Variants in L3MBTL4 observed in about 807,000 individuals in gnomAD.
The protein encoded by L3MBTL4 is lethal(3)malignant brain tumor-like protein 4.
In L3MBTL4, 70 loss-of-function variants were observed where a neutral mutation model predicts 84.5. That is an observed-to-expected ratio of 0.83 (90% CI 0.68 to 1.01). The LOEUF is 1.01. Ranked by LOEUF, L3MBTL4 falls within the 50% of genes least tolerant of loss-of-function variation. The pLI is 0.00. For missense variants in L3MBTL4, 715 were observed against 754.8 expected (o/e 0.95, Z 0.62); for synonymous variants, 274 against 259.8 (o/e 1.05, Z -0.52).
chr18:6,137,133 G>T (rs2060050484), intron 14 of L3MBTL4, among the ~76,000 whole-genome samples: 1 of 152,162 alleles, frequency 6.6e-6, no homozygotes, highest in African/African-American at 2.4e-5. Flanking sequence ...AGTTACTGCA[G>T]ACTCCTTACA....
chr18:6,405,510 A>G (rs1001489411), intron 1 of L3MBTL4, among the ~76,000 whole-genome samples: 22 of 152,150 alleles, frequency 1.4e-4, no homozygotes, highest in Admixed American at 2.6e-4. Context: ...TGGAAAGCAC[A>G]CTCACTCCCT....
chr18:6,062,809 T>C (rs2057272796), intron 16 of L3MBTL4, among the ~76,000 whole-genome samples: 1 of 150,230 alleles, frequency 6.7e-6, no homozygotes, highest in African/African-American at 2.5e-5. Flanking sequence ...TTATTTTGTT[T>C]TTGAATACTA....
At chr18:6,071,631 C>G (rs1162385586) in intron 16 of L3MBTL4, among the ~76,000 whole-genome samples, 1 of 112,182 alleles carries the variant, frequency 8.9e-6, no homozygotes, top group Non-Finnish European at 1.8e-5. Flanking sequence ...AGATAGATCC[C>G]ATAAAAAAGA....
At chr18:6,319,012 A>T (rs543725619) in intron 1 of L3MBTL4, among the ~76,000 whole-genome samples, 2 of 152,276 alleles carry the variant, frequency 1.3e-5, no homozygotes, top group African/African-American at 4.8e-5. Context: ...GAAAGTAAAC[A>T]ATCTGCCCAT....
In L3MBTL4 at chr18:6,138,316, A is replaced by T. The variant is rs2060092728; in HGVS notation, c.1097-20T>A. 1 of 1,491,714 alleles carries T rather than the reference A, an allele frequency of 6.7e-7. No individual in the cohort carries two copies. Among genetic ancestry groups the T allele is most frequent in the Non-Finnish European group, 9.3e-7 (1 of 1,074,970 alleles). The allele number at this position is 1,491,714 out of a possible 1,614,324, so 92.4% of individuals were successfully genotyped here. On this transcript the variant is annotated intron_variant, in intron 13 of 18. Transcript: ENST00000317931. Reference sequence around the variant, plus strand: ...TCGTTCCTTCAGGAAGTAAAAGAACATGCCTTGAAAACACCCTCATTAAAG... The same window carrying T: ...TCGTTCCTTCAGGAAGTAAAAGAACTTGCCTTGAAAACACCCTCATTAAAG...
At chr18:6,150,741 G>A (rs963485787) in intron 13 of L3MBTL4, among the ~76,000 whole-genome samples, 1 of 152,144 alleles carries the variant, frequency 6.6e-6, no homozygotes, top group Non-Finnish European at 1.5e-5. Flanking sequence ...AGCCCTAACT[G>A]AGTCTCAGTG....
At chr18:6,292,613 TTAACC>T (rs2049915373) in intron 4 of L3MBTL4, among the ~76,000 whole-genome samples, 1 of 152,182 alleles carries the variant, frequency 6.6e-6, no homozygotes. Context: ...CAAGGGACAA[TTAACC>T]TAACTTCAAA....
intron 4 of L3MBTL4, among the ~76,000 whole-genome samples, chr18:6,300,265 A>C (rs1011467154): frequency 2.0e-5 from 3 of 152,234 alleles, no homozygotes; most frequent in African/African-American, 7.2e-5. Context: ...TCCAATTTGC[A>C]CGACAACTAG....
At chr18:6,284,680 T>C (rs2049482396) in intron 4 of L3MBTL4, among the ~76,000 whole-genome samples, 1 of 152,180 alleles carries the variant, frequency 6.6e-6, no homozygotes, top group African/African-American at 2.4e-5. Flanking sequence ...AGTATCCTAT[T>C]CTGCCTCATC....
At chr18:6,302,014 G>T in intron 3 of L3MBTL4, 57 bp from the exon 4 acceptor site, 1 of 1,323,734 alleles carries the variant, frequency 7.6e-7, no homozygotes, top group Non-Finnish European at 1.1e-6. Context: ...TGGAAACACT[G>T]AAAACTAATG....
intron 12 of L3MBTL4, among the ~76,000 whole-genome samples, chr18:6,209,994 A>G (rs935141937): frequency 1.3e-5 from 2 of 152,164 alleles, no homozygotes; most frequent in Non-Finnish European, 2.9e-5. Flanking sequence ...TTGGTTGGGT[A>G]GAAGGAGGGT....
At chr18:5,991,440 C>A (rs1218960694) in intron 16 of L3MBTL4, among the ~76,000 whole-genome samples, 17 of 152,082 alleles carry the variant, frequency 1.1e-4, no homozygotes, top group Admixed American at 1.1e-3. Flanking sequence ...GGCACATAAA[C>A]ATTCTGTTGA....
At position 6,216,296 on chromosome 18, in the gene L3MBTL4, T is replaced by A. The variant is rs372019632; in HGVS notation, c.785-461A>T. 6.9e-4 allele frequency among the ~76,000 whole-genome samples: 105 copies of A among 152,352 alleles called. 1 individual carries two copies. Among genetic ancestry groups the A allele is most frequent in the South Asian group, 3.3e-3 (16 of 4,830 alleles). ...AAAGCTTTAGTCTCATTATTAAATCTTTGTAATTACAATTTCCTAAAATTG... is the reference window on the plus strand; with the variant it reads ...AAAGCTTTAGTCTCATTATTAAATCATTGTAATTACAATTTCCTAAAATTG... On this transcript the variant is annotated intron_variant, in intron 10 of 18. Transcript: ENST00000317931.
intron 1 of L3MBTL4, among the ~76,000 whole-genome samples, chr18:6,401,510 G>T (rs977641506): frequency 6.6e-6 from 1 of 152,062 alleles, no homozygotes; most frequent in Non-Finnish European, 1.5e-5. Flanking sequence ...AAATGCACCG[G>T]GCAAGAAGAC....
chr18:6,311,283 G>A (rs1053326933), intron 3 of L3MBTL4, among the ~76,000 whole-genome samples: 3 of 151,832 alleles, frequency 2.0e-5, no homozygotes, highest in African/African-American at 7.3e-5. Flanking sequence ...TACAGCTTCC[G>A]TTCTCTTACT....
At chr18:6,107,022 A>T (rs983690615) in intron 14 of L3MBTL4, among the ~76,000 whole-genome samples, 1 of 152,256 alleles carries the variant, frequency 6.6e-6, no homozygotes, top group Non-Finnish European at 1.5e-5. Flanking sequence ...GTATATGTTT[A>T]AAAATGATAT....
rs1314255675 is a variant in L3MBTL4 at position 5,969,411 on chromosome 18, T to C, written c.1596A>G (p.Ala532=). 1 of 1,613,986 alleles carries C rather than the reference T, an allele frequency of 6.2e-7. No individual in the cohort carries two copies. The highest frequency in any genetic ancestry group is 8.5e-7 in the Non-Finnish European group (1 of 1,180,002). Residue 532 remains alanine (A), a synonymous_variant, in exon 17 of 19, where the codon GCA becomes GCG. Transcript: ENST00000317931. ...CACTCACCTCATCCACAGTCCAACG[T>C]GCCACTTGGCTGGCCCGGATGTCAG... is the stretch of plus-strand genomic sequence containing the variant. ...GVADIRASQV[A]RWTVDEVAEF... is the part of the protein sequence containing the mutation.
At position 6,054,193 on chromosome 18, in the gene L3MBTL4, ACT is replaced by A. The variant is rs374186242; in HGVS notation, c.1444+26686_1444+26687del. Among the ~76,000 whole-genome samples, 588 of 152,162 alleles carry A rather than the reference ACT, an allele frequency of 3.9e-3. 7 individuals carry two copies. The highest frequency in any genetic ancestry group is 0.013 in the African/African-American group (558 of 41,506). ...CGAAACTGATGGACTGAGACACCTG[ACT>A]CAGCCTGCATCGTCACAATTTTTTT... is the stretch of plus-strand genomic sequence containing the variant. On this transcript the variant is annotated intron_variant, in intron 16 of 18. Transcript: ENST00000317931.
chr18:6,254,232 T>G (rs2048042798), intron 5 of L3MBTL4, among the ~76,000 whole-genome samples: 2 of 152,164 alleles, frequency 1.3e-5, no homozygotes, highest in Admixed American at 1.3e-4. Flanking sequence ...AAAAACAGAT[T>G]AAGAGCCACA....
Sources: gnomAD v4.1 joint callset for allele counts (sites outside exome capture counted in the v4.1 genomes callset) on GRCh38, gnomAD v4.1.1 for gene constraint, MANE v1.5 for transcripts, NCBI Gene and HGNC (gene_info 2026-07-23, HGNC 2026-07-21) for gene names.